Variants in PDE9A observed in about 807,000 individuals in gnomAD.
PDE9A encodes phosphodiesterase 9A, also known as high affinity cGMP-specific 3',5'-cyclic phosphodiesterase 9A.
A neutral mutation model predicts 87.4 loss-of-function variants in PDE9A; 60 were observed. The observed-to-expected ratio is 0.69, with a 90% CI of 0.56 to 0.85. The LOEUF is 0.85. Among genes scored for constraint, PDE9A ranks in the 40% least tolerant of loss-of-function variants. The pLI, the probability that PDE9A is intolerant of heterozygous loss-of-function variation, is 0.00. For missense variants in PDE9A, 665 were observed against 779.0 expected, an observed-to-expected ratio of 0.85 and a Z score of 1.74; for synonymous variants, 272 against 279.4, an observed-to-expected ratio of 0.97 and a Z score of 0.27.
chr21:42,726,503 CTT>C (rs2051051817), intron 4 of PDE9A, among the ~76,000 whole-genome samples: 1 of 148,186 alleles, frequency 6.7e-6, no homozygotes, highest in Non-Finnish European at 1.5e-5. Context: ...GGTCAAGGCT[CTT>C]TTTCTTGTTG....
At chr21:42,688,052 G>A in intron 3 of PDE9A, 58 bp downstream of exon 3, 3 of 1,356,248 alleles carry the variant, frequency 2.2e-6, no homozygotes, top group Admixed American at 3.4e-5. Flanking sequence ...CCATGACATG[G>A]GAGGCTTTCT....
At chr21:42,735,327 G>C (rs1037007726) in intron 7 of PDE9A, among the ~76,000 whole-genome samples, 1 of 152,322 alleles carries the variant, frequency 6.6e-6, no homozygotes, top group East Asian at 1.9e-4. Context: ...TCTAGACAGA[G>C]CCAGGCCGCG....
At chr21:42,741,601 G>C (rs1160698599) in intron 7 of PDE9A, 1 of 152,200 alleles carries the variant, frequency 6.6e-6, no homozygotes, top group African/African-American at 2.4e-5. Flanking sequence ...ACATCAGCAG[G>C]ACCAGATCCA....
chr21:42,668,854 G>C (rs966232174), intron 1 of PDE9A, among the ~76,000 whole-genome samples: 10 of 150,580 alleles, frequency 6.6e-5, no homozygotes, highest in Non-Finnish European at 1.3e-4. Context: ...AACATCCTCC[G>C]TCGGGAGAGG....
intron 1 of PDE9A, among the ~76,000 whole-genome samples, chr21:42,667,820 C>A (rs534724752): frequency 1.3e-5 from 2 of 152,088 alleles, no homozygotes; most frequent in Non-Finnish European, 1.5e-5. Context: ...CTGACTGGGA[C>A]CCACTTGGCC....
chr21:42,662,359 C>T (rs1272690005), intron 1 of PDE9A, among the ~76,000 whole-genome samples: 1 of 152,042 alleles, frequency 6.6e-6, no homozygotes, highest in Non-Finnish European at 1.5e-5. Context: ...CACCCTCCCC[C>T]TACCTGTTTC....
chr21:42,764,175 G>A (rs2056121705), intron 14 of PDE9A, among the ~76,000 whole-genome samples: 1 of 152,220 alleles, frequency 6.6e-6, no homozygotes. Context: ...CCCACTCGGC[G>A]CTGACATACG....
At chr21:42,670,099 TCACA>T (rs1165541860) in intron 1 of PDE9A, among the ~76,000 whole-genome samples, 2 of 151,064 alleles carry the variant, frequency 1.3e-5, no homozygotes, top group Non-Finnish European at 3.0e-5. Context: ...TCTCATACAC[TCACA>T]CATATGCTTA....
chr21:42,666,187 AAG>A (rs1447084032), intron 1 of PDE9A, among the ~76,000 whole-genome samples: 2 of 152,124 alleles, frequency 1.3e-5, no homozygotes, highest in African/African-American at 2.4e-5. Context: ...GTCATCAAGA[AAG>A]GGCGTGGCTG....
At chr21:42,670,165 ATTCACACG>A (rs1417335473) in intron 1 of PDE9A, among the ~76,000 whole-genome samples, 3 of 148,078 alleles carry the variant, frequency 2.0e-5, no homozygotes, top group African/African-American at 7.5e-5. Context: ...ACGCACACAC[ATTCACACG>A]CACACATACA....
At chr21:42,699,088 A>G in intron 4 of PDE9A, 77 bp downstream of exon 4, 3 of 902,972 alleles carry the variant, frequency 3.3e-6, no homozygotes, top group Non-Finnish European at 5.6e-6. Flanking sequence ...TAAAATATAT[A>G]CTAGTTAAGC....
intron 8 of PDE9A, among the ~76,000 whole-genome samples, chr21:42,744,396 C>T (rs935889328): frequency 6.6e-6 from 1 of 152,096 alleles, no homozygotes; most frequent in African/African-American, 2.4e-5. Context: ...GCTGGGAAGA[C>T]GATTTCACAG....
At chr21:42,765,727 T>A in intron 15 of PDE9A, 1 of 509,114 alleles carries the variant, frequency 2.0e-6, no homozygotes, top group South Asian at 2.0e-5. Context: ...TTCCTCCATC[T>A]CTTTTGGATT....
chr21:42,753,005 C>CTT (rs199870836), intron 9 of PDE9A, among the ~76,000 whole-genome samples: 9 of 123,248 alleles, frequency 7.3e-5, no homozygotes, highest in South Asian at 3.5e-4. Flanking sequence ...CTTTATTGCC[C>CTT]TTTTTTTATT....
At position 42,694,189 on chromosome 21, in the gene PDE9A, AGTTG is replaced by A. The variant is rs562576526; in HGVS notation, c.219-4760_219-4757del. 5.9e-5 allele frequency among the ~76,000 whole-genome samples: 9 copies of A among 152,150 alleles called. No homozygotes were observed. Among genetic ancestry groups the A allele is most frequent in the African/African-American group, 1.4e-4 (6 of 41,414 alleles). On this transcript the variant is annotated intron_variant, in intron 3 of 19. Coordinates refer to ENST00000291539, the MANE Select transcript of PDE9A (RefSeq NM_002606.3). The surrounding 1 kb of genome is among the most constrained non-coding windows in gnomAD (Gnocchi z 5.3). Reference sequence around the variant, plus strand: ...CCTCTAGCTCAGAAGCTACGTCAGCAGTTGGTTGGTTGGTTGGTTGGTGGGTTGG... The same window carrying A: ...CCTCTAGCTCAGAAGCTACGTCAGCAGTTGGTTGGTTGGTTGGTGGGTTGG...
intron 1 of PDE9A, among the ~76,000 whole-genome samples, chr21:42,661,550 A>C (rs2057492357): frequency 6.6e-6 from 1 of 152,136 alleles, no homozygotes; most frequent in Non-Finnish European, 1.5e-5. Flanking sequence ...TCCATGTTGT[A>C]GCACGTGTCC....
rs929399643 is a variant in PDE9A at position 42,705,541 on chromosome 21, C to T, written c.262+6530C>T. On this transcript the variant is annotated intron_variant, in intron 4 of 19. Coordinates refer to ENST00000291539, the MANE Select transcript of PDE9A (RefSeq NM_002606.3). The surrounding 1 kb of genome is among the most constrained non-coding windows in gnomAD (Gnocchi z 4.3). The stretch of plus-strand genomic sequence containing the variant: ...GGGCCTCCCTCAGCGTGGCAGATCG[C>T]GTGGGTCCATGGGTCCGTGTGATCT... Among the ~76,000 whole-genome samples the T allele has an allele frequency of 3.3e-5, 5 of 152,056 alleles. No individual in the cohort carries two copies. Among genetic ancestry groups the T allele is most frequent in the African/African-American group, 9.7e-5 (4 of 41,394 alleles).
chr21:42,667,095 C>T lies in PDE9A; in HGVS notation c.69+13212C>T, dbSNP rs995192902. ...CCTGTACACAGACTGCTTCTTTGTCCTCCAGCCAGGGGTGAAGGGCCATGC... is the reference window on the plus strand; with the variant it reads ...CCTGTACACAGACTGCTTCTTTGTCTTCCAGCCAGGGGTGAAGGGCCATGC... On this transcript the variant is annotated intron_variant, in intron 1 of 19. Coordinates refer to ENST00000291539, the MANE Select transcript of PDE9A (RefSeq NM_002606.3). Among the ~76,000 whole-genome samples, 49 of 152,296 alleles carry T rather than the reference C, an allele frequency of 3.2e-4. 1 individual carries two copies. The highest frequency in any genetic ancestry group is 1.0e-3 in the African/African-American group (42 of 41,562).
chr21:42,670,258 TTC>T (rs1491551099), intron 1 of PDE9A, among the ~76,000 whole-genome samples: 3 of 137,892 alleles, frequency 2.2e-5, no homozygotes, highest in African/African-American at 6.1e-5. Context: ...CATACATACA[TTC>T]ACACACATAT....
Sources: gnomAD v4.1 joint callset for allele counts (sites outside exome capture counted in the v4.1 genomes callset) on GRCh38, gnomAD v4.1.1 for gene constraint, Gnocchi (gnomAD v3.1) non-coding constraint, MANE v1.5 for transcripts, NCBI Gene and HGNC (gene_info 2026-07-23, HGNC 2026-07-21) for gene names.